The following GLP2R variants were observed in gnomAD, a reference collection of about 807,000 sequenced individuals.
GLP2R encodes the protein glucagon like peptide 2 receptor.
GLP2R carries 59 observed loss-of-function variants against 68.2 expected under a neutral mutation model. That is an observed-to-expected ratio of 0.87 (90% confidence interval 0.70 to 1.07). The LOEUF (loss-of-function observed/expected upper bound fraction) is 1.07. Among genes scored for constraint, GLP2R ranks in the 50% least tolerant of loss-of-function variants. GLP2R has a pLI of 0.00. For missense variants in GLP2R, 548 were observed against 677.4 expected, an observed-to-expected ratio of 0.81 and a Z score of 2.12; for synonymous variants, 270 against 265.4, an observed-to-expected ratio of 1.02 and a Z score of -0.17.
At chr17:9,830,925 T>A (rs2066674210) in intron 1 of GLP2R, among the ~76,000 whole-genome samples, 1 of 152,270 alleles carries the variant, frequency 6.6e-6, no homozygotes, top group South Asian at 2.1e-4. Flanking sequence ...CAGCAGGCAC[T>A]AAGCTGTTAA....
intron 5 of GLP2R, 89 bp from the exon 6 acceptor site, chr17:9,857,334 G>A (rs2066942989): frequency 1.7e-6 from 2 of 1,146,866 alleles, no homozygotes; most frequent in Non-Finnish European, 2.6e-6. Flanking sequence ...TCTGTCTTTA[G>A]TGATAGATAC....
intron 4 of GLP2R, chr17:9,852,892 G>C: frequency 2.2e-6 from 1 of 454,126 alleles, no homozygotes; most frequent in Non-Finnish European, 4.1e-6. Flanking sequence ...TCCAGGGGCA[G>C]ATTACTTTCC....
At chr17:9,854,623 A>T in intron 5 of GLP2R, 22 bp downstream of exon 5, 1 of 1,365,238 alleles carries the variant, frequency 7.3e-7, no homozygotes, top group Non-Finnish European at 1.0e-6. Flanking sequence ...TTCTGCAGGC[A>T]TGTGTTCGGG....
intron 11 of GLP2R, among the ~76,000 whole-genome samples, chr17:9,886,955 C>T (rs548088504): frequency 2.6e-5 from 4 of 152,324 alleles, no homozygotes; most frequent in Non-Finnish European, 4.4e-5. Context: ...ATATCAGACA[C>T]ACTGCCCAAA....
At chr17:9,855,135 T>C (rs2066923951) in intron 5 of GLP2R, among the ~76,000 whole-genome samples, 1 of 152,198 alleles carries the variant, frequency 6.6e-6, no homozygotes, top group Non-Finnish European at 1.5e-5. Flanking sequence ...AAAGTGTGGA[T>C]AATGGGGGAA....
chr17:9,861,270 A>C, intron 8 of GLP2R, 71 bp downstream of exon 8: 2 of 994,984 alleles, frequency 2.0e-6, no homozygotes, highest in Non-Finnish European at 3.2e-6. Flanking sequence ...ACAAAGAATG[A>C]CATCATTTTA....
chr17:9,829,347 G>T (rs948778706), intron 1 of GLP2R, among the ~76,000 whole-genome samples: 1 of 151,062 alleles, frequency 6.6e-6, no homozygotes, highest in Non-Finnish European at 1.5e-5. Context: ...TTTGGTGAGG[G>T]TAGACAGTTT....
chr17:9,860,357 T>C (rs1391490511), intron 7 of GLP2R, among the ~76,000 whole-genome samples: 1 of 152,170 alleles, frequency 6.6e-6, no homozygotes, highest in Admixed American at 6.5e-5. Flanking sequence ...ATGATATTCC[T>C]CCTACCCTGT....
chr17:9,858,551 A>G (rs2066955086), intron 6 of GLP2R, among the ~76,000 whole-genome samples: 1 of 152,242 alleles, frequency 6.6e-6, no homozygotes, highest in Admixed American at 6.5e-5. Flanking sequence ...TGTATTAAAG[A>G]TAAGTATTAT....
intron 1 of GLP2R, among the ~76,000 whole-genome samples, chr17:9,828,320 C>T (rs1341628261): frequency 6.6e-6 from 1 of 152,186 alleles, no homozygotes; most frequent in African/African-American, 2.4e-5. Context: ...GCCTCTGGTC[C>T]CAGGACTTCA....
chr17:9,883,638 A>G (rs1007411901), intron 11 of GLP2R, among the ~76,000 whole-genome samples: 1 of 152,238 alleles, frequency 6.6e-6, no homozygotes, highest in African/African-American at 2.4e-5. Flanking sequence ...ACATGTAGGG[A>G]CCAATGATAC....
chr17:9,843,059 C>T lies in GLP2R; in HGVS notation c.504+443C>T, dbSNP rs199963214. Among the ~76,000 whole-genome samples, 5 of 150,442 alleles carry T rather than the reference C, an allele frequency of 3.3e-5. No individual in the cohort carries two copies. The East Asian group carries it at 9.9e-4, about 30-fold the overall frequency. On this transcript the variant is annotated intron_variant, in intron 4 of 12. Transcript: ENST00000262441. Reference sequence around the variant, plus strand: ...CCCCCACTTCGACTCCTTTATGGCACCTGCCCCTCCCTGAAATTCTCACTG... The same window carrying T: ...CCCCCACTTCGACTCCTTTATGGCATCTGCCCCTCCCTGAAATTCTCACTG...
chr17:9,857,668 C>A, intron 6 of GLP2R, 92 bp downstream of exon 6: 2 of 1,240,084 alleles, frequency 1.6e-6, no homozygotes, highest in Non-Finnish European at 1.2e-6. Context: ...TAGGGAGGGG[C>A]AGCGGGAGAT....
intron 10 of GLP2R, among the ~76,000 whole-genome samples, chr17:9,878,646 C>T (rs1358428666): frequency 6.6e-6 from 1 of 152,164 alleles, no homozygotes; most frequent in Non-Finnish European, 1.5e-5. Flanking sequence ...AATCACATGG[C>T]CAGGTGGAGT....
chr17:9,833,262 T>TAA (rs11406813), intron 1 of GLP2R, among the ~76,000 whole-genome samples: 8 of 140,798 alleles, frequency 5.7e-5, no homozygotes, highest in African/African-American at 1.0e-4. Context: ...GACTCTGTCT[T>TAA]AAAAAAAAAA....
intron 11 of GLP2R, 88 bp from the exon 12 acceptor site, chr17:9,887,844 C>G: frequency 1.1e-6 from 1 of 919,380 alleles, no homozygotes; most frequent in Non-Finnish European, 1.8e-6. Context: ...CTCCTTACGA[C>G]CTGTGCAGGG....
chr17:9,882,447 G>A (rs1395862226), intron 11 of GLP2R, among the ~76,000 whole-genome samples: 1 of 152,214 alleles, frequency 6.6e-6, no homozygotes, highest in African/African-American at 2.4e-5. Flanking sequence ...CAGGTTGACT[G>A]GAAGGTTGTG....
chr17:9,851,181 T>A (rs931146066), intron 4 of GLP2R, among the ~76,000 whole-genome samples: 1 of 152,196 alleles, frequency 6.6e-6, no homozygotes, highest in Non-Finnish European at 1.5e-5. Context: ...GTTAGGTTAT[T>A]TAATTAAATG....
intron 11 of GLP2R, among the ~76,000 whole-genome samples, chr17:9,883,511 A>G (rs773349003): frequency 5.9e-5 from 9 of 152,240 alleles, no homozygotes; most frequent in Non-Finnish European, 1.0e-4. Flanking sequence ...AGGAAGCTTG[A>G]TGAACTCCAA....
Sources: gnomAD v4.1 joint callset for allele counts (sites outside exome capture counted in the v4.1 genomes callset) on GRCh38, gnomAD v4.1.1 for gene constraint, MANE v1.5 for transcripts, NCBI Gene and HGNC (gene_info 2026-07-23, HGNC 2026-07-21) for gene names.